ZNF780A: variants seen among roughly 807,000 people sequenced by gnomAD.
The protein encoded by ZNF780A is zinc finger protein 780A.
A neutral mutation model predicts 56.7 loss-of-function variants in ZNF780A; 40 were observed. The observed-to-expected ratio is 0.71, with a 90% CI of 0.55 to 0.92. ZNF780A has a LOEUF of 0.92. Ranked by LOEUF, ZNF780A falls within the 40% of genes least tolerant of loss-of-function variation. The pLI is 0.00. For synonymous variants in ZNF780A, 231 were observed against 248.3 expected, an observed-to-expected ratio of 0.93 and a Z score of 0.66; for missense variants, 672 against 783.3, an observed-to-expected ratio of 0.86 and a Z score of 1.70.
chr19:40,084,169 A>G (rs957326050), intron 3 of ZNF780A, among the ~76,000 whole-genome samples: 1 of 152,044 alleles, frequency 6.6e-6, no homozygotes, highest in African/African-American at 2.4e-5. Flanking sequence ...TCGGCCTCCC[A>G]AAGTGCTGGG....
At chr19:40,079,801 C>A (rs925202416) in intron 5 of ZNF780A, among the ~76,000 whole-genome samples, 8 of 152,050 alleles carry the variant, frequency 5.3e-5, no homozygotes, top group Non-Finnish European at 8.8e-5. Flanking sequence ...CAGAATACAA[C>A]ATACCAAAAC....
chr19:40,072,966 G>A, downstream of ZNF780A: 2 of 1,539,534 alleles, frequency 1.3e-6, no homozygotes, highest in South Asian at 2.5e-5. Context: ...TGGTTTGGAA[G>A]CCAATGAAGA....
At position 40,073,990 on chromosome 19, in the gene ZNF780A, A is replaced by G. The variant is rs916887784; in HGVS notation, c.*526T>C. 14 of 1,084,462 alleles carry G rather than the reference A, an allele frequency of 1.3e-5. No homozygotes were observed. The highest frequency in any genetic ancestry group is 1.5e-5 in the Non-Finnish European group (13 of 884,686). 67.2% of individuals were successfully genotyped at this position (1,084,462 alleles called of 1,614,324 possible). A position where few individuals can be genotyped will look rare whatever the true frequency, so the allele number is the denominator to read the frequency against. On this transcript the variant is annotated 3_prime_UTR_variant, in exon 6 of 6. Coordinates refer to ENST00000683561, the MANE Select transcript of ZNF780A (RefSeq NM_001142578.2). ...TGAACAATGTTTGAGCTACAACTAA[A>G]GGTCTTCCCACATTCTGTACATTCA...
In ZNF780A at chr19:40,074,156, G is replaced by T; in HGVS notation, c.*360C>A. ...GTTGAACAAGGTTTGAGCCACTATT[G>T]AAGGCCTTCCCACATTTCTCAAATT... On this transcript the variant is annotated 3_prime_UTR_variant, in exon 6 of 6. Transcript: ENST00000683561. 7.4e-7 allele frequency: 1 copy of T among 1,344,554 alleles called. No homozygotes were observed. The highest frequency in any genetic ancestry group is 1.5e-5 in the African/African-American group (1 of 67,520). The allele number at this position is 1,344,554 out of a possible 1,614,324, so 83.3% of individuals were successfully genotyped here. A position where few individuals can be genotyped will look rare whatever the true frequency, so the allele number is the denominator to read the frequency against.
intron 5 of ZNF780A, among the ~76,000 whole-genome samples, chr19:40,078,111 A>T (rs1379428164): frequency 1.3e-5 from 2 of 151,946 alleles, no homozygotes; most frequent in Non-Finnish European, 2.9e-5. Flanking sequence ...ATAAAAAAGA[A>T]CCAAACAGAA....
In ZNF780A at chr19:40,076,910, C is replaced by A. The variant is rs1974172042; in HGVS notation, c.233-701G>T. 2.0e-5 allele frequency among the ~76,000 whole-genome samples: 3 copies of A among 152,268 alleles called. 1 individual carries two copies. In the South Asian group the frequency reaches 6.2e-4, roughly 32 times the overall value. Reference sequence around the variant, plus strand: ...AAGTTCTGGGGACTGGCCCACCCAGCCCATCATAGTCACCTCCAACACTAA... The same window carrying A: ...AAGTTCTGGGGACTGGCCCACCCAGACCATCATAGTCACCTCCAACACTAA... On this transcript the variant is annotated intron_variant, in intron 5 of 5. Coordinates refer to ENST00000683561, the MANE Select transcript of ZNF780A (RefSeq NM_001142578.2).
chr19:40,083,281 T>C, intron 3 of ZNF780A, 44 bp from the exon 4 acceptor site: 1 of 1,608,010 alleles, frequency 6.2e-7, no homozygotes, highest in Non-Finnish European at 8.5e-7. Context: ...TGAAGAAAGT[T>C]GTTTTAAGAT....
chr19:40,072,417 G>T (rs1466874811), downstream of ZNF780A: 1 of 153,586 alleles, frequency 6.5e-6, no homozygotes, highest in African/African-American at 2.4e-5. Flanking sequence ...TTAAACACGG[G>T]GCTTGCAACT....
At chr19:40,071,001 T>C (rs1973799570), downstream of ZNF780A, 1 of 152,134 alleles carries the variant, frequency 6.6e-6, no homozygotes, top group African/African-American at 2.4e-5. Flanking sequence ...AGGTTTTAAA[T>C]AGCCTCGTTT....
intron 2 of ZNF780A, chr19:40,085,302 A>G (rs337800): frequency 0.12 from 119,996 of 984,866 alleles, 12,751 homozygotes; most frequent in African/African-American, 0.53. Context: ...AATTGCACTG[A>G]CAGTGTTCAG....
At chr19:40,070,341 C>A (rs552544416), downstream of ZNF780A, 1 of 152,162 alleles carries the variant, frequency 6.6e-6, no homozygotes, top group African/African-American at 2.4e-5. Context: ...ATCTTTGTTA[C>A]TAAAAATTTA....
At position 40,074,038 on chromosome 19, in the gene ZNF780A, T is replaced by A. The variant is rs1291116487; in HGVS notation, c.*478A>T. The A allele has an allele frequency of 1.7e-6, 2 of 1,205,304 alleles. No individual in the cohort carries two copies. 74.7% of individuals were successfully genotyped at this position (1,205,304 alleles called of 1,614,324 possible). ...TCACAGGGTTTCATACCAGTATGAA[T>A]TCTTTGATGTGCAGTCAGGACCAAA... On this transcript the variant is annotated 3_prime_UTR_variant, in exon 6 of 6. Coordinates refer to ENST00000683561, the MANE Select transcript of ZNF780A (RefSeq NM_001142578.2).
Position 40,083,209 on chromosome 19 carries a change from A to G in ZNF780A, c.38T>C (p.Ile13Thr). ...HGSVTFRDVA[I>T]DFSQEEWECL... ...CTCCCACTCCTCCTGAGAGAAGTCA[A>G]TGGCCACATCCCTGAATGTCACTGA... Residue 13 changes from isoleucine (I) to threonine (T), a missense_variant, in exon 4 of 6, where the codon ATT (isoleucine) becomes ACT (threonine). Transcript: ENST00000683561. 2 of 1,614,230 alleles carry G rather than the reference A, an allele frequency of 1.2e-6. No individual in the cohort carries two copies. The highest frequency in any genetic ancestry group is 1.7e-6 in the Non-Finnish European group (2 of 1,180,020).
At chr19:40,089,966 A>C (rs548859564) in intron 2 of ZNF780A, among the ~76,000 whole-genome samples, 200 bp downstream of exon 2, 8 of 152,302 alleles carry the variant, frequency 5.3e-5, no homozygotes, top group African/African-American at 2.4e-5. Flanking sequence ...GTGTATTTCT[A>C]TACCAGCTTC....
At position 40,075,189 on chromosome 19, in the gene ZNF780A, T is replaced by C. The variant is rs770313096; in HGVS notation, c.1253A>G (p.Glu418Gly). The change falls in exon 6 of 6, where the codon GAA (glutamate) becomes GGA (glycine). Residue 418 changes from glutamate to glycine, a missense_variant. Glu to Gly is a moderately conservative substitution (Grantham distance 98). Transcript: ENST00000683561. Reference protein sequence around the residue: ...QSIHAGIKPYECKECGKGFNR... With the variant: ...QSIHAGIKPYGCKECGKGFNR... ...AAAGCCTTTCCCACACTCCTTACAT[T>C]CATATGGTTTTATACCAGCATGAAT... The C allele has an allele frequency of 6.2e-7, 1 of 1,613,516 alleles. No individual in the cohort carries two copies. Among genetic ancestry groups the C allele is most frequent in the Non-Finnish European group, 8.5e-7 (1 of 1,179,876 alleles).
intron 2 of ZNF780A, among the ~76,000 whole-genome samples, chr19:40,087,775 G>T (rs1473912719): frequency 6.6e-6 from 1 of 152,158 alleles, no homozygotes; most frequent in Non-Finnish European, 1.5e-5. Context: ...CAAAGCTATA[G>T]TAACCAAAAC....
intron 5 of ZNF780A, among the ~76,000 whole-genome samples, chr19:40,077,718 A>G (rs780571239): frequency 4.6e-5 from 7 of 152,074 alleles, no homozygotes; most frequent in Non-Finnish European, 1.0e-4. Flanking sequence ...CACTGTTTAC[A>G]GCCAAAAAAA....
rs1409823954 is a variant in ZNF780A at position 40,075,245 on chromosome 19, A to G, written c.1197T>C (p.Asn399=). ...FECKECGKSF[N]RSSNLVQHQS... ...GATGTTGAACAAGGTTTGAGCTACGATTAAAGGACTTCCCACATTCCTTAC... is the reference window on the plus strand; with the variant it reads ...GATGTTGAACAAGGTTTGAGCTACGGTTAAAGGACTTCCCACATTCCTTAC... The change falls in exon 6 of 6, where the codon AAT becomes AAC. Residue 399 remains asparagine (N), a synonymous_variant. Coordinates refer to ENST00000683561, the MANE Select transcript of ZNF780A (RefSeq NM_001142578.2). 5 of 1,613,246 alleles carry G rather than the reference A, an allele frequency of 3.1e-6. No homozygotes were observed. The highest frequency in any genetic ancestry group is 2.7e-5 in the African/African-American group (2 of 74,640).
downstream of ZNF780A, chr19:40,070,862 G>C (rs994264266): frequency 3.9e-5 from 6 of 152,082 alleles, no homozygotes; most frequent in African/African-American, 9.7e-5. Flanking sequence ...AATGTGCAAT[G>C]ACCCATAAAG....
Sources: allele counts gnomAD v4.1 joint callset (sites outside exome capture counted in the v4.1 genomes callset), GRCh38; gene constraint gnomAD v4.1.1; transcripts MANE v1.5; gene names NCBI Gene and HGNC (gene_info 2026-07-23, HGNC 2026-07-21).